The following EPHA3 variants were observed in gnomAD, a reference collection of about 807,000 sequenced individuals.
The protein encoded by EPHA3 is EPH receptor A3.
EPHA3 carries 42 observed loss-of-function variants against 107.1 expected under a neutral mutation model. The observed-to-expected ratio is 0.39, with a 90% CI of 0.31 to 0.51. The LOEUF is 0.51. EPHA3 is among the 20% of genes least tolerant of loss of function. The pLI is 0.78. For missense variants in EPHA3, 1,183 were observed against 1,211.2 expected (o/e 0.98, Z 0.35); for synonymous variants, 461 against 424.8 (o/e 1.09, Z -1.05).
At chr3:89,396,556 A>T (rs1354912195) in intron 6 of EPHA3, among the ~76,000 whole-genome samples, 1 of 152,222 alleles carries the variant, frequency 6.6e-6, no homozygotes, top group Non-Finnish European at 1.5e-5. Flanking sequence ...AAATTTAAAA[A>T]TTATTAAAAA....
chr3:89,414,451 C>G (rs1202133876), intron 10 of EPHA3, among the ~76,000 whole-genome samples: 4 of 151,574 alleles, frequency 2.6e-5, no homozygotes, highest in Admixed American at 1.3e-4. Context: ...GATCCAGTGC[C>G]AAAACAGATA....
chr3:89,346,993 C>A (rs1478187928), intron 5 of EPHA3, among the ~76,000 whole-genome samples: 1 of 143,272 alleles, frequency 7.0e-6, no homozygotes, highest in East Asian at 2.0e-4. Flanking sequence ...GTTTTGGTAC[C>A]AGTACCATGC....
chr3:89,420,570 T>TA (rs139959532), intron 11 of EPHA3, among the ~76,000 whole-genome samples: 4 of 151,526 alleles, frequency 2.6e-5, no homozygotes, highest in Admixed American at 1.3e-4. Context: ...TATTTTCTGA[T>TA]AAAAAACATT....
At chr3:89,192,166 A>T (rs1462185770) in intron 2 of EPHA3, among the ~76,000 whole-genome samples, 1 of 152,142 alleles carries the variant, frequency 6.6e-6, no homozygotes, top group Admixed American at 6.5e-5. Context: ...AAAAACATGT[A>T]GTGCGTGATT....
chr3:89,416,591 CAATGCAGTTATTTTA>C, intron 10 of EPHA3, among the ~76,000 whole-genome samples: 1 of 151,368 alleles, frequency 6.6e-6, no homozygotes, highest in Admixed American at 6.6e-5. Context: ...ATTGCTATCC[CAATGCAGTTATTTTA>C]AATTATTAAA....
intron 3 of EPHA3, among the ~76,000 whole-genome samples, chr3:89,291,685 C>A (rs753377935): frequency 6.6e-6 from 1 of 152,092 alleles, no homozygotes; most frequent in Non-Finnish European, 1.5e-5. Context: ...AACTGAGGGC[C>A]TTGAAGTGTG....
intron 2 of EPHA3, among the ~76,000 whole-genome samples, chr3:89,159,673 C>T (rs1704885394): frequency 6.6e-6 from 1 of 152,096 alleles, no homozygotes; most frequent in African/African-American, 2.4e-5. Flanking sequence ...AGGAAAGTGG[C>T]TCATTTTCTT....
chr3:89,134,211 CTTTT>C (rs79688748), intron 2 of EPHA3, among the ~76,000 whole-genome samples: 11,799 of 145,474 alleles, frequency 0.081, 627 homozygotes, highest in African/African-American at 0.15. Context: ...TGTCAACTTT[CTTTT>C]TTTTTTTTTA....
At chr3:89,293,991 T>G (rs1322059515) in intron 3 of EPHA3, among the ~76,000 whole-genome samples, 1 of 152,100 alleles carries the variant, frequency 6.6e-6, no homozygotes, top group African/African-American at 2.4e-5. Flanking sequence ...TGTAATGAAG[T>G]AGTATACTTT....
In EPHA3 at chr3:89,479,624, A is replaced by G. The variant is rs1444359546; in HGVS notation, c.*122A>G. On this transcript the variant is annotated 3_prime_UTR_variant, in exon 17 of 17. Coordinates refer to ENST00000336596, the MANE Select transcript of EPHA3 (RefSeq NM_005233.6). ...GTTCCAAGTCCAATAAGACACTCAA[A>G]TATGAGTACAAATGCCTTAAAATGG... is the stretch of plus-strand genomic sequence containing the variant. 7 of 694,374 alleles carry G rather than the reference A, an allele frequency of 1.0e-5. No individual in the cohort carries two copies. In the Admixed American group the frequency reaches 1.5e-4, roughly 15 times the overall value. The allele number at this position is 694,374 out of a possible 1,614,324, so 43.0% of individuals were successfully genotyped here.
At chr3:89,139,986 G>C (rs530903266) in intron 2 of EPHA3, among the ~76,000 whole-genome samples, 1 of 151,930 alleles carries the variant, frequency 6.6e-6, no homozygotes, top group South Asian at 2.1e-4. Context: ...ACTTTTCTCA[G>C]CAGGTGAAAA....
At chr3:89,164,375 G>A (rs1417773718) in intron 2 of EPHA3, among the ~76,000 whole-genome samples, 1 of 152,218 alleles carries the variant, frequency 6.6e-6, no homozygotes, top group African/African-American at 2.4e-5. Context: ...GCTGTGGGTT[G>A]AACAAGCTTG....
At chr3:89,198,197 C>T (rs1705891708) in intron 2 of EPHA3, among the ~76,000 whole-genome samples, 1 of 152,052 alleles carries the variant, frequency 6.6e-6, no homozygotes, top group Non-Finnish European at 1.5e-5. Flanking sequence ...ATAAGGAAAA[C>T]AAACTAGTAT....
intron 11 of EPHA3, among the ~76,000 whole-genome samples, chr3:89,422,065 T>C (rs1250912282): frequency 6.6e-6 from 1 of 151,164 alleles, no homozygotes; most frequent in Non-Finnish European, 1.5e-5. Context: ...GTAAATATAA[T>C]AGAGTAGTAG....
At chr3:89,178,390 C>T (rs779736461) in intron 2 of EPHA3, among the ~76,000 whole-genome samples, 58 of 151,904 alleles carry the variant, frequency 3.8e-4, no homozygotes, top group African/African-American at 8.5e-4. Flanking sequence ...TGTTAGCATA[C>T]GTATAATTAC....
At position 89,460,174 on chromosome 3, in the gene EPHA3, T is replaced by C. The variant is rs1464340482; in HGVS notation, c.2690+9804T>C. On this transcript the variant is annotated intron_variant, in intron 15 of 16. Coordinates refer to ENST00000336596, the MANE Select transcript of EPHA3 (RefSeq NM_005233.6). The stretch of plus-strand genomic sequence containing the variant: ...TTTTGAAGAGATGTATGTGTGTGCA[T>C]ATGTGTGTAAAATGAAATAGAGAAA... Among the ~76,000 whole-genome samples, 5 of 152,284 alleles carry C rather than the reference T, an allele frequency of 3.3e-5. No homozygotes were observed. The South Asian group carries it at 1.0e-3, about 32-fold the overall frequency.
chr3:89,391,603 A>ATTT (rs767686552), intron 5 of EPHA3, among the ~76,000 whole-genome samples: 1,582 of 138,342 alleles, frequency 0.011, 25 homozygotes, highest in African/African-American at 0.039. Context: ...AATTTTTTGT[A>ATTT]TTTTTTTTTT....
chr3:89,234,168 T>G (rs1704698517), intron 3 of EPHA3, among the ~76,000 whole-genome samples: 1 of 152,108 alleles, frequency 6.6e-6, no homozygotes, highest in Non-Finnish European at 1.5e-5. Context: ...AAAGATCAAT[T>G]TAATTATACA....
chr3:89,162,484 A>T (rs1704972695), intron 2 of EPHA3, among the ~76,000 whole-genome samples: 2 of 152,138 alleles, frequency 1.3e-5, no homozygotes, highest in Admixed American at 1.3e-4. Flanking sequence ...TTCACTCAGT[A>T]TTGTTCTCTT....
Sources: allele counts gnomAD v4.1 joint callset (sites outside exome capture counted in the v4.1 genomes callset), GRCh38; gene constraint gnomAD v4.1.1; transcripts MANE v1.5; gene names NCBI Gene and HGNC (gene_info 2026-07-23, HGNC 2026-07-21).